The following PPARGC1A variants were observed in gnomAD, a reference collection of about 807,000 sequenced individuals.
The protein encoded by PPARGC1A is PPARG coactivator 1 alpha, also known as peroxisome proliferator-activated receptor gamma coactivator 1-alpha.
A neutral mutation model predicts 88.7 loss-of-function variants in PPARGC1A; 25 were observed. The observed-to-expected ratio is 0.28, with a 90% confidence interval of 0.21 to 0.39. The LOEUF (loss-of-function observed/expected upper bound fraction) is 0.39. PPARGC1A is among the 10% of genes least tolerant of loss of function. The probability of loss-of-function intolerance (pLI) is 1.00; values close to 1 mark genes in which losing one functional copy is unlikely to be tolerated. For synonymous variants in PPARGC1A, 363 were observed against 355.6 expected (o/e 1.02, Z -0.24); for missense variants, 880 against 968.7 (o/e 0.91, Z 1.22).
the PPARGC1A span, among the ~76,000 whole-genome samples, chr4:23,918,561 G>C: frequency 8.5e-5 from 13 of 152,066 alleles, no homozygotes; most frequent in African/African-American, 3.1e-4. Context: ...TAAACATTTT[G>C]GGTCTCTTAA....
the PPARGC1A span, among the ~76,000 whole-genome samples, chr4:24,310,622 G>T: frequency 1.3e-5 from 2 of 151,994 alleles, no homozygotes; most frequent in African/African-American, 4.8e-5. Context: ...ATTTCAGCTG[G>T]CATCCAAAAA....
chr4:23,899,998 G>GT (rs1719106123), upstream of PPARGC1A, among the ~76,000 whole-genome samples: 5 of 119,492 alleles, frequency 4.2e-5, no homozygotes, highest in Admixed American at 3.2e-4. Context: ...AATTTTTGAA[G>GT]TTTGCTGCCT....
the PPARGC1A span, among the ~76,000 whole-genome samples, chr4:24,157,561 T>A: frequency 6.6e-6 from 1 of 152,180 alleles, no homozygotes; most frequent in Non-Finnish European, 1.5e-5. Context: ...TAGTTGAACT[T>A]GACCACAAGT....
At chr4:23,970,877 G>A in the PPARGC1A span, among the ~76,000 whole-genome samples, 2 of 152,104 alleles carry the variant, frequency 1.3e-5, no homozygotes, top group Non-Finnish European at 2.9e-5. Context: ...TCTAAAATAA[G>A]TAAAATAGTA....
chr4:24,283,158 G>C, the PPARGC1A span, among the ~76,000 whole-genome samples: 8 of 152,172 alleles, frequency 5.3e-5, no homozygotes, highest in Admixed American at 5.2e-4. Context: ...AGACATGGTG[G>C]TGGTATTTGA....
At chr4:23,949,517 C>T in the PPARGC1A span, among the ~76,000 whole-genome samples, 1 of 152,150 alleles carries the variant, frequency 6.6e-6, no homozygotes, top group Non-Finnish European at 1.5e-5. Context: ...ACCAGGACAT[C>T]GAGGTTATCC....
At chr4:23,901,119 G>A (rs1174430892), upstream of PPARGC1A, among the ~76,000 whole-genome samples, 1 of 152,080 alleles carries the variant, frequency 6.6e-6, no homozygotes, top group Non-Finnish European at 1.5e-5. Context: ...TGTAATCCCA[G>A]CACTTTGGGA....
chr4:24,055,436 G>A, the PPARGC1A span, among the ~76,000 whole-genome samples: 1 of 152,076 alleles, frequency 6.6e-6, no homozygotes, highest in African/African-American at 2.4e-5. Context: ...AAGTAGGAGG[G>A]GTGGAAGGAA....
At chr4:24,347,812 T>C in the PPARGC1A span, among the ~76,000 whole-genome samples, 1 of 152,200 alleles carries the variant, frequency 6.6e-6, no homozygotes, top group Non-Finnish European at 1.5e-5. Context: ...TTGTTGCTTC[T>C]GTGCTTCGGT....
chr4:24,259,014 C>T, the PPARGC1A span, among the ~76,000 whole-genome samples: 1 of 152,180 alleles, frequency 6.6e-6, no homozygotes, highest in African/African-American at 2.4e-5. Flanking sequence ...ATTACTATGA[C>T]AACCACTCTA....
At chr4:23,918,801 G>T in the PPARGC1A span, among the ~76,000 whole-genome samples, 1 of 151,972 alleles carries the variant, frequency 6.6e-6, no homozygotes. Context: ...ATCATTCCAG[G>T]GCTCTGGAAA....
chr4:24,209,236 C>T, the PPARGC1A span, among the ~76,000 whole-genome samples: 7 of 152,216 alleles, frequency 4.6e-5, no homozygotes, highest in Admixed American at 2.0e-4. Context: ...AGGGGTCCTC[C>T]GGAAGAATCT....
the PPARGC1A span, among the ~76,000 whole-genome samples, chr4:24,085,781 TC>T: frequency 1.3e-5 from 2 of 152,196 alleles, no homozygotes; most frequent in South Asian, 2.1e-4. Flanking sequence ...TGTGAAATTG[TC>T]CCTATTCCCC....
At chr4:24,325,686 C>G in the PPARGC1A span, among the ~76,000 whole-genome samples, 1 of 152,158 alleles carries the variant, frequency 6.6e-6, no homozygotes, top group Non-Finnish European at 1.5e-5. Flanking sequence ...CTGACGCTGC[C>G]CGATCGCCTC....
At chr4:24,382,254 T>G in the PPARGC1A span, among the ~76,000 whole-genome samples, 98 of 152,306 alleles carry the variant, frequency 6.4e-4, 1 homozygote, top group African/African-American at 2.0e-3. Flanking sequence ...TGAATAAAAT[T>G]GTTCACTTTG....
At chr4:23,842,224 G>A (rs914232845) in intron 2 of PPARGC1A, among the ~76,000 whole-genome samples, 2 of 152,104 alleles carry the variant, frequency 1.3e-5, no homozygotes, top group Non-Finnish European at 2.9e-5. Context: ...GAAAGAGGAG[G>A]TTGCTTTGCA....
chr4:23,979,501 G>A, the PPARGC1A span, among the ~76,000 whole-genome samples: 1 of 152,262 alleles, frequency 6.6e-6, no homozygotes, highest in East Asian at 1.9e-4. Flanking sequence ...GGGGATGGAG[G>A]TTCTATTCTG....
the PPARGC1A span, among the ~76,000 whole-genome samples, chr4:23,981,833 T>A: frequency 6.6e-6 from 1 of 152,162 alleles, no homozygotes; most frequent in Non-Finnish European, 1.5e-5. Flanking sequence ...ACGCTTTTTT[T>A]TGAGGTCACA....
chr4:24,035,123 T>C, the PPARGC1A span, among the ~76,000 whole-genome samples: 2 of 152,206 alleles, frequency 1.3e-5, no homozygotes, highest in African/African-American at 4.8e-5. Context: ...ATAGTATATG[T>C]GTGGCAAACA....
Sources: gnomAD v4.1 joint callset for allele counts (sites outside exome capture counted in the v4.1 genomes callset) on GRCh38, gnomAD v4.1.1 for gene constraint, MANE v1.5 for transcripts, NCBI Gene and HGNC (gene_info 2026-07-23, HGNC 2026-07-21) for gene names.